Variants in TENM2 observed in about 807,000 individuals in gnomAD.
TENM2 encodes the protein teneurin-2.
In TENM2, 52 loss-of-function variants were observed where a neutral mutation model predicts 245.2. The ratio of observed to expected loss-of-function variants is 0.21; its 90% CI spans 0.17 to 0.27. The LOEUF (loss-of-function observed/expected upper bound fraction) is 0.27, where lower values mean the gene tolerates loss of function less well. TENM2 is among the 10% of genes least tolerant of loss of function. The probability of loss-of-function intolerance (pLI) is 1.00; values close to 1 mark genes in which losing one functional copy is unlikely to be tolerated. For synonymous variants in TENM2, 1,363 were observed against 1,438.9 expected (o/e 0.95, Z 1.19); for missense variants, 3,046 against 3,666.8 (o/e 0.83, Z 4.37).
At chr5:167,279,075 TA>T in the TENM2 span, among the ~76,000 whole-genome samples, 1 of 152,214 alleles carries the variant, frequency 6.6e-6, no homozygotes, top group Non-Finnish European at 1.5e-5. Flanking sequence ...AAGATTCTTT[TA>T]TTTCAGTACT....
At chr5:168,113,162 T>A (rs1368863014) in intron 9 of TENM2, among the ~76,000 whole-genome samples, 4 of 151,874 alleles carry the variant, frequency 2.6e-5, no homozygotes, top group African/African-American at 9.7e-5. Flanking sequence ...ACCGAATTTT[T>A]TTTTTAAATT....
At chr5:167,579,566 G>C (rs1002295168) in intron 2 of TENM2, among the ~76,000 whole-genome samples, 4 of 152,208 alleles carry the variant, frequency 2.6e-5, no homozygotes, top group African/African-American at 9.7e-5. Context: ...GCCAAGCGTT[G>C]TCCTGACTCA....
the TENM2 span, among the ~76,000 whole-genome samples, chr5:167,179,255 G>T: frequency 6.6e-6 from 1 of 152,112 alleles, no homozygotes; most frequent in Non-Finnish European, 1.5e-5. Flanking sequence ...ACCTTTGTTT[G>T]TTACGATGCA....
intron 2 of TENM2, among the ~76,000 whole-genome samples, chr5:167,733,224 T>C (rs1178454596): frequency 6.6e-6 from 1 of 152,132 alleles, no homozygotes; most frequent in Non-Finnish European, 1.5e-5. Context: ...TTGCCAATAG[T>C]GCCCACTTTC....
intron 1 of TENM2, among the ~76,000 whole-genome samples, chr5:167,294,502 GA>G (rs544173329): frequency 4.0e-5 from 6 of 151,798 alleles, no homozygotes; most frequent in Non-Finnish European, 7.4e-5. Context: ...ACAAGTGGGG[GA>G]AAAAAAAGAA....
chr5:168,180,286 C>T (rs1759754035), intron 13 of TENM2, among the ~76,000 whole-genome samples: 1 of 152,172 alleles, frequency 6.6e-6, no homozygotes, highest in Admixed American at 6.5e-5. Context: ...TCAGGAAATG[C>T]TGCGTACTCC....
intron 1 of TENM2, among the ~76,000 whole-genome samples, chr5:167,305,489 C>T (rs1262861268): frequency 6.6e-6 from 1 of 152,176 alleles, no homozygotes; most frequent in African/African-American, 2.4e-5. Context: ...TTTATCAACC[C>T]TTCTCAGGAA....
chr5:167,378,899 G>C (rs1244107642), intron 2 of TENM2, among the ~76,000 whole-genome samples: 2 of 135,932 alleles, frequency 1.5e-5, no homozygotes, highest in African/African-American at 5.5e-5. Flanking sequence ...CAGAATTCTA[G>C]TTTCAGTTAT....
rs58351767 is a variant in TENM2 at position 167,702,552 on chromosome 5, G to GTGTGTA, written c.503-173433_503-173432insGTGTAT. ...TATGTATGTATGTATGTGTGTGTGT[G>GTGTGTA]TATATATATATATATATATACATAT... On this transcript the variant is annotated intron_variant, in intron 2 of 28. Transcript: ENST00000518659. Among the ~76,000 whole-genome samples the GTGTGTA allele has an allele frequency of 2.7e-3, 363 of 136,772 alleles. 1 individual carries two copies. Among genetic ancestry groups the GTGTGTA allele is most frequent in the Admixed American group, 3.4e-3 (47 of 13,696 alleles). The allele number at this position is 136,772 out of a possible 152,430, so 89.7% of individuals were successfully genotyped here.
At chr5:167,241,304 C>T in the TENM2 span, among the ~76,000 whole-genome samples, 7 of 152,218 alleles carry the variant, frequency 4.6e-5, no homozygotes, top group South Asian at 2.1e-4. Flanking sequence ...AAGTCTTGTT[C>T]CTTACAAACA....
chr5:167,327,962 G>A (rs1286314330), intron 1 of TENM2, among the ~76,000 whole-genome samples: 1 of 152,172 alleles, frequency 6.6e-6, no homozygotes, highest in Non-Finnish European at 1.5e-5. Context: ...AGATGATGGT[G>A]ATTTAGGCTA....
intron 4 of TENM2, among the ~76,000 whole-genome samples, chr5:167,985,056 A>G (rs1783132989): frequency 6.6e-6 from 1 of 152,212 alleles, no homozygotes; most frequent in South Asian, 2.1e-4. Flanking sequence ...ATGCTACAGT[A>G]CCCTTTATGG....
At chr5:167,058,203 A>G in the TENM2 span, among the ~76,000 whole-genome samples, 17 of 152,178 alleles carry the variant, frequency 1.1e-4, no homozygotes, top group Non-Finnish European at 2.1e-4. Flanking sequence ...ATGCCAGGCC[A>G]GAAAACAGAA....
the TENM2 span, among the ~76,000 whole-genome samples, chr5:167,084,331 A>T: frequency 4.7e-5 from 3 of 63,640 alleles, no homozygotes; most frequent in African/African-American, 1.7e-4. Flanking sequence ...TTTTAGTTAT[A>T]TATATATATA....
chr5:167,125,769 C>T, the TENM2 span, among the ~76,000 whole-genome samples: 310 of 152,216 alleles, frequency 2.0e-3, 3 homozygotes, highest in African/African-American at 7.2e-3. Context: ...GTCCTAGACC[C>T]TTCCCTAGGT....
chr5:167,239,357 A>G, the TENM2 span, among the ~76,000 whole-genome samples: 26 of 152,300 alleles, frequency 1.7e-4, no homozygotes, highest in Non-Finnish European at 3.5e-4. Flanking sequence ...TGCTATGTTT[A>G]TACATTCTTC....
intron 3 of TENM2, among the ~76,000 whole-genome samples, chr5:167,892,131 C>T (rs574894143): frequency 5.3e-5 from 8 of 152,246 alleles, no homozygotes; most frequent in East Asian, 1.9e-4. Context: ...GACTGAATTA[C>T]AACATTTCAT....
Position 167,342,065 on chromosome 5 carries a change from T to G in TENM2, c.227-33133T>G, listed in dbSNP as rs75386322. On this transcript the variant is annotated intron_variant, in intron 1 of 28. Coordinates refer to ENST00000518659, the Ensembl canonical transcript of TENM2. Reference sequence around the variant, plus strand: ...TGACACACCCAATTGTCCAGGTTGCTAACATCTTGCAATAGTATGGTGTCA... The same window carrying G: ...TGACACACCCAATTGTCCAGGTTGCGAACATCTTGCAATAGTATGGTGTCA... Among the ~76,000 whole-genome samples the G allele has an allele frequency of 8.5e-3, 1,301 of 152,328 alleles. 18 individuals carry two copies. Among genetic ancestry groups the G allele is most frequent in the African/African-American group, 0.03 (1,266 of 41,554 alleles).
chr5:168,067,759 G>A (rs369217023), intron 7 of TENM2, among the ~76,000 whole-genome samples: 1 of 152,042 alleles, frequency 6.6e-6, no homozygotes. Context: ...TACCCTCTCA[G>A]TGCCCATTGA....
Sources: gnomAD v4.1 joint callset for allele counts (sites outside exome capture counted in the v4.1 genomes callset) on GRCh38, gnomAD v4.1.1 for gene constraint, MANE v1.5 for transcripts, NCBI Gene and HGNC (gene_info 2026-07-23, HGNC 2026-07-21) for gene names.